Variants in TEX22 observed in about 807,000 individuals in gnomAD.
TEX22 encodes testis expressed 22, also known as testis-expressed protein 22.
TEX22 carries 16 observed loss-of-function variants against 11.3 expected under a neutral mutation model. The observed-to-expected ratio is 1.42, with a 90% CI of 0.96 to 2.15. The LOEUF (loss-of-function observed/expected upper bound fraction) is 2.15. Among genes scored for constraint, TEX22 ranks in the 30% most tolerant of loss-of-function variants. TEX22 has a pLI of 0.00. For missense variants in TEX22, 220 were observed against 208.6 expected (o/e 1.05, Z -0.34); for synonymous variants, 97 against 92.3 (o/e 1.05, Z -0.29).
intron 2 of TEX22, among the ~76,000 whole-genome samples, chr14:105,409,909 G>A (rs2081680048): frequency 6.6e-6 from 1 of 151,798 alleles, no homozygotes; most frequent in South Asian, 2.1e-4. Flanking sequence ...CCAGTAGCAA[G>A]GACTACAGGC....
At chr14:105,403,049 C>G (rs1049753736) in intron 2 of TEX22, among the ~76,000 whole-genome samples, 1 of 152,152 alleles carries the variant, frequency 6.6e-6, no homozygotes, top group Admixed American at 6.6e-5. Flanking sequence ...GAGAAGAGAT[C>G]ATTTATTGAA....
Position 105,408,400 on chromosome 14 carries a change from C to T in TEX22, c.151-2968C>T, listed in dbSNP as rs144345349. On this transcript the variant is annotated intron_variant, in intron 2 of 3. Transcript: ENST00000451127. ...GGGACTACAGGCACCCACCACCACA[C>T]CCAGCTAATTTTTGTGTTTTGTTTG... Among the ~76,000 whole-genome samples, 847 of 152,116 alleles carry T rather than the reference C, an allele frequency of 5.6e-3. 12 individuals are homozygous for T. The highest frequency in any genetic ancestry group is 0.019 in the African/African-American group (787 of 41,502).
intron 1 of TEX22, 120 bp from the exon 2 acceptor site, chr14:105,399,182 T>C (rs1414857182): frequency 6.4e-6 from 4 of 625,574 alleles, no homozygotes; most frequent in Non-Finnish European, 1.1e-5. Flanking sequence ...GACCTTTGGC[T>C]GGAAGGTGAC....
chr14:105,399,286 CT>C lies in TEX22; in HGVS notation c.-39-15del. On this transcript the variant is annotated splice_polypyrimidine_tract_variant and intron_variant, in intron 1 of 3. Transcript: ENST00000451127. ...CTTGTGGGCCCCGCCCCACCTCCCC[CT>C]GCTCCTACCCCCAGATCTCAGAGGT... 1 of 1,452,828 alleles carries C rather than the reference CT, an allele frequency of 6.9e-7. No individual in the cohort carries two copies. The allele number at this position is 1,452,828 out of a possible 1,614,324, so 90.0% of individuals were successfully genotyped here.
In TEX22 at chr14:105,411,495, G is replaced by A. The variant is rs1850663419; in HGVS notation, c.278G>A (p.Arg93Lys). The A allele has an allele frequency of 4.8e-6, 6 of 1,248,602 alleles. No individual in the cohort carries two copies. The highest frequency in any genetic ancestry group is 3.2e-4 in the Middle Eastern group (1 of 3,166). 77.3% of individuals were successfully genotyped at this position (1,248,602 alleles called of 1,614,324 possible). A position where few individuals can be genotyped will look rare whatever the true frequency, so the allele number is the denominator to read the frequency against. ...GCCGCCGGGACCCAGCTGCACTGCA[G>A]GGTGCGCGGGGGGCGGGTCCTCCCC... ...PGAAGTQLHC[R>K]DVVQMVAQLV... Residue 93 changes from arginine to lysine, a missense_variant and splice_region_variant, in exon 3 of 4, where the codon AGG becomes AAG. By Grantham distance (26) the Arg-to-Lys change is conservative (BLOSUM62 2). Transcript: ENST00000451127.
chr14:105,401,569 C>T (rs1315090216), intron 2 of TEX22, among the ~76,000 whole-genome samples: 6 of 121,418 alleles, frequency 4.9e-5, no homozygotes, highest in Non-Finnish European at 9.6e-5. Context: ...ACATCACACA[C>T]CGGGGACTCT....
At chr14:105,399,866 A>G (rs1264205771) in intron 2 of TEX22, among the ~76,000 whole-genome samples, 1 of 152,144 alleles carries the variant, frequency 6.6e-6, no homozygotes, top group Non-Finnish European at 1.5e-5. Context: ...CCTCCCAACC[A>G]GGTGGGGCAG....
At chr14:105,408,335 G>A (rs2081669727) in intron 2 of TEX22, among the ~76,000 whole-genome samples, 1 of 151,768 alleles carries the variant, frequency 6.6e-6, no homozygotes, top group African/African-American at 2.4e-5. Flanking sequence ...TCCGCCTCCG[G>A]GGTTCAAGTG....
At chr14:105,404,919 G>A (rs1056424991) in intron 2 of TEX22, among the ~76,000 whole-genome samples, 1 of 152,170 alleles carries the variant, frequency 6.6e-6, no homozygotes, top group African/African-American at 2.4e-5. Context: ...GCACAGAAAA[G>A]CAAGGATACA....
intron 2 of TEX22, among the ~76,000 whole-genome samples, chr14:105,400,085 C>A (rs1236916191): frequency 6.6e-6 from 1 of 152,226 alleles, no homozygotes; most frequent in Middle Eastern, 3.2e-3. Flanking sequence ...GCCAGAACCC[C>A]ACTCGTGTGG....
intron 2 of TEX22, 33 bp downstream of exon 2, chr14:105,399,523 C>G (rs782575671): frequency 6.7e-7 from 1 of 1,501,434 alleles, no homozygotes; most frequent in South Asian, 1.2e-5. Flanking sequence ...CGAGGCTACT[C>G]TCCTGTCCCC....
At chr14:105,408,216 C>T (rs587731880) in intron 2 of TEX22, among the ~76,000 whole-genome samples, 3 of 151,780 alleles carry the variant, frequency 2.0e-5, no homozygotes, top group Admixed American at 6.6e-5. Context: ...TTTGCCGGTG[C>T]GCTGCCTCCT....
intron 2 of TEX22, among the ~76,000 whole-genome samples, chr14:105,402,618 T>C (rs191829410): frequency 0.04 from 6,086 of 151,510 alleles, 159 homozygotes; most frequent in Non-Finnish European, 0.058. Flanking sequence ...TAGCCGGGCG[T>C]GGTGGCGGGC....
chr14:105,411,398 G>C lies in TEX22; in HGVS notation c.181G>C (p.Gly61Arg). 2 of 1,320,302 alleles carry C rather than the reference G, an allele frequency of 1.5e-6. No homozygotes were observed. The highest frequency in any genetic ancestry group is 6.4e-5 in the East Asian group (2 of 31,212). 81.8% of individuals were successfully genotyped at this position (1,320,302 alleles called of 1,614,324 possible). A position where few individuals can be genotyped will look rare whatever the true frequency, so the allele number is the denominator to read the frequency against. ...CGAGCCGCCGGAACGCAGGCGCCCG[G>C]GCCGCCGCTGGAGCGTCAGCATCGA... ...VCEPPERRRP[G>R]RRWSVSIDER... Residue 61 changes from glycine (G) to arginine (R), a missense_variant, in exon 3 of 4, where the codon GGC (glycine) becomes CGC (arginine). Coordinates refer to ENST00000451127, the MANE Select transcript of TEX22 (RefSeq NM_001195082.2).
At chr14:105,402,578 C>G (rs587764673) in intron 2 of TEX22, among the ~76,000 whole-genome samples, 18 of 151,772 alleles carry the variant, frequency 1.2e-4, no homozygotes, top group Middle Eastern at 3.4e-3. Context: ...CACGGTGAAA[C>G]CCCGTCTCTA....
At position 105,412,094 on chromosome 14, in the gene TEX22, G is replaced by A. The variant is rs1032587318; in HGVS notation, c.*261G>A. On this transcript the variant is annotated 3_prime_UTR_variant, in exon 4 of 4. Transcript: ENST00000451127. This position sits in a 1 kb window ranked among gnomAD's most constrained non-coding sequence, Gnocchi z 5.8. Reference sequence around the variant, plus strand: ...AGAGGGCCCTGGCAAGGCCTGGGTAGCAGGAGCTTGCCCTCGGGGCCGCTG... The same window carrying A: ...AGAGGGCCCTGGCAAGGCCTGGGTAACAGGAGCTTGCCCTCGGGGCCGCTG... 1 of 349,328 alleles carries A rather than the reference G, an allele frequency of 2.9e-6. No individual in the cohort carries two copies. The highest frequency in any genetic ancestry group is 5.2e-6 in the Non-Finnish European group (1 of 193,680). 21.6% of individuals were successfully genotyped at this position (349,328 alleles called of 1,614,324 possible). A position where few individuals can be genotyped will look rare whatever the true frequency, so the allele number is the denominator to read the frequency against.
At chr14:105,405,658 C>T (rs781985120) in intron 2 of TEX22, among the ~76,000 whole-genome samples, 1 of 152,232 alleles carries the variant, frequency 6.6e-6, no homozygotes, top group Non-Finnish European at 1.5e-5. Flanking sequence ...CTGTTGCGTG[C>T]AGCCGTGAGC....
chr14:105,402,529 CAG>C (rs2081634375), intron 2 of TEX22, among the ~76,000 whole-genome samples: 2 of 150,636 alleles, frequency 1.3e-5, no homozygotes, highest in Non-Finnish European at 2.9e-5. Flanking sequence ...CTGGGGCGGG[CAG>C]ATCACAAGGT....
intron 2 of TEX22, among the ~76,000 whole-genome samples, chr14:105,407,069 ATTTTT>A (rs10715186): frequency 1.7e-5 from 2 of 116,172 alleles, no homozygotes; most frequent in Non-Finnish European, 1.9e-5. Flanking sequence ...TAATTTCTTA[ATTTTT>A]TTTTTTTTTT....
Sources: allele counts gnomAD v4.1 joint callset (sites outside exome capture counted in the v4.1 genomes callset), GRCh38; gene constraint gnomAD v4.1.1; non-coding constraint Gnocchi (gnomAD v3.1); transcripts MANE v1.5; gene names NCBI Gene and HGNC (gene_info 2026-07-23, HGNC 2026-07-21).